ATP6V1C2: variants seen among roughly 807,000 people sequenced by gnomAD.
The protein encoded by ATP6V1C2 is ATPase H+ transporting V1 subunit C2, also known as V-type proton ATPase subunit C 2.
A neutral mutation model predicts 56.8 loss-of-function variants in ATP6V1C2; 45 were observed. The ratio of observed to expected loss-of-function variants is 0.79; its 90% CI spans 0.62 to 1.02. The LOEUF is 1.02. Among genes scored for constraint, ATP6V1C2 ranks in the 50% least tolerant of loss-of-function variants. The pLI is 0.00. For missense variants in ATP6V1C2, 463 were observed against 519.7 expected, an observed-to-expected ratio of 0.89 and a Z score of 1.06; for synonymous variants, 220 against 201.3, an observed-to-expected ratio of 1.09 and a Z score of -0.79.
At position 10,755,680 on chromosome 2, in the gene ATP6V1C2, C is replaced by A. The variant is rs886151311; in HGVS notation, c.283+1614C>A. Among the ~76,000 whole-genome samples the A allele has an allele frequency of 3.9e-5, 6 of 152,336 alleles. 1 individual carries two copies. Among genetic ancestry groups the A allele is most frequent in the Admixed American group, 1.3e-4 (2 of 15,306 alleles). ...CCCTCTCCAGAGCCACCACTCTCCC[C>A]ACCTGGGCAATTCTGCCTCCTCACC... On this transcript the variant is annotated intron_variant, in intron 4 of 13. Transcript: ENST00000272238.
At chr2:10,779,730 A>G (rs1665234583) in intron 12 of ATP6V1C2, among the ~76,000 whole-genome samples, 1 of 151,098 alleles carries the variant, frequency 6.6e-6, no homozygotes, top group African/African-American at 2.4e-5. Context: ...AAACCTGGCA[A>G]CTCTAGGTAA....
intron 3 of ATP6V1C2, among the ~76,000 whole-genome samples, chr2:10,746,396 T>C (rs992391652): frequency 6.6e-6 from 1 of 151,470 alleles, no homozygotes; most frequent in Admixed American, 6.6e-5. Flanking sequence ...TTCTCTTATT[T>C]CCTTTTTTTT....
intron 3 of ATP6V1C2, among the ~76,000 whole-genome samples, chr2:10,742,373 G>T (rs1028450942): frequency 2.0e-5 from 3 of 152,184 alleles, no homozygotes; most frequent in Non-Finnish European, 4.4e-5. Flanking sequence ...CTGGAGGTGG[G>T]AGACCCAACC....
At chr2:10,741,211 G>T (rs1662533441) in intron 3 of ATP6V1C2, among the ~76,000 whole-genome samples, 1 of 152,250 alleles carries the variant, frequency 6.6e-6, no homozygotes, top group African/African-American at 2.4e-5. Context: ...TTTAAAGCAT[G>T]GTGTGTCTGT....
chr2:10,729,673 T>G (rs1232688863), intron 3 of ATP6V1C2, among the ~76,000 whole-genome samples: 1 of 152,144 alleles, frequency 6.6e-6, no homozygotes, highest in Non-Finnish European at 1.5e-5. Context: ...CTGGGCAACA[T>G]AGTGAGACCC....
At chr2:10,778,365 C>T (rs960572543) in intron 11 of ATP6V1C2, 4 of 576,456 alleles carry the variant, frequency 6.9e-6, no homozygotes, top group Non-Finnish European at 1.2e-5. Context: ...CACCGGGTGG[C>T]TGGCCCGCTG....
intron 3 of ATP6V1C2, among the ~76,000 whole-genome samples, chr2:10,740,726 G>A (rs1311118729): frequency 1.3e-5 from 2 of 152,054 alleles, no homozygotes; most frequent in Non-Finnish European, 2.9e-5. Flanking sequence ...CACTCTTGTC[G>A]CCCAGGCTGG....
At chr2:10,764,479 G>T (rs1664108297) in intron 5 of ATP6V1C2, 54 bp downstream of exon 5, 2 of 1,514,450 alleles carry the variant, frequency 1.3e-6, no homozygotes, top group African/African-American at 1.4e-5. Flanking sequence ...AGGCGGGCAA[G>T]AGCCTGGGTA....
intron 3 of ATP6V1C2, among the ~76,000 whole-genome samples, chr2:10,739,210 G>A (rs2148429824): frequency 6.6e-6 from 1 of 152,242 alleles, no homozygotes; most frequent in East Asian, 1.9e-4. Flanking sequence ...TTGAACCCGG[G>A]AGACGGAGGT....
At chr2:10,775,422 C>A (rs564623364) in intron 10 of ATP6V1C2, among the ~76,000 whole-genome samples, 29 of 152,306 alleles carry the variant, frequency 1.9e-4, no homozygotes, top group Admixed American at 1.7e-3. Flanking sequence ...GCCAGAGGAC[C>A]CTGCCAGGCC....
chr2:10,742,709 C>T (rs991659712), intron 3 of ATP6V1C2, among the ~76,000 whole-genome samples: 2 of 152,162 alleles, frequency 1.3e-5, no homozygotes, highest in Admixed American at 1.3e-4. Flanking sequence ...CCATCCTCTA[C>T]CCCAGGGCCA....
chr2:10,726,523 G>T lies in ATP6V1C2; in HGVS notation c.151G>T (p.Val51Phe). 1 of 1,613,994 alleles carries T rather than the reference G, an allele frequency of 6.2e-7. No homozygotes were observed. Among genetic ancestry groups the T allele is most frequent in the East Asian group, 2.2e-5 (1 of 44,888 alleles). The stretch of plus-strand genomic sequence containing the variant: ...CTAGGTGGGGACCTTGGATTCCCTG[G>T]TTGGCCTCTCTGATGAGTTGGGGAA... Reference protein sequence around the residue: ...DFKVGTLDSLVGLSDELGKLD... With the variant: ...DFKVGTLDSLFGLSDELGKLD... The change falls in exon 3 of 14, where the codon GTT becomes TTT. Residue 51 changes from valine (V) to phenylalanine (F), a missense_variant. Coordinates refer to ENST00000272238, the MANE Select transcript of ATP6V1C2 (RefSeq NM_001039362.2).
At chr2:10,746,163 C>T (rs1428752354) in intron 3 of ATP6V1C2, among the ~76,000 whole-genome samples, 2 of 151,896 alleles carry the variant, frequency 1.3e-5, no homozygotes, top group Non-Finnish European at 2.9e-5. Context: ...CCACACCCGG[C>T]TAATTTTTGT....
At chr2:10,755,378 C>T (rs555992639) in intron 4 of ATP6V1C2, among the ~76,000 whole-genome samples, 111 of 152,098 alleles carry the variant, frequency 7.3e-4, no homozygotes, top group African/African-American at 2.5e-3. Context: ...GATGGGGTCT[C>T]GCAATGTCGC....
intron 4 of ATP6V1C2, among the ~76,000 whole-genome samples, chr2:10,755,313 G>C (rs1225521421): frequency 6.6e-6 from 1 of 152,160 alleles, no homozygotes; most frequent in African/African-American, 2.4e-5. Flanking sequence ...TGGGATGACA[G>C]GCGTGAGCCA....
chr2:10,758,025 T>C (rs760698911), intron 4 of ATP6V1C2, among the ~76,000 whole-genome samples: 1 of 152,224 alleles, frequency 6.6e-6, no homozygotes, highest in Non-Finnish European at 1.5e-5. Context: ...CATAAGAATC[T>C]TTAGAGATTG....
rs1661443012 is a variant in ATP6V1C2 at position 10,722,937 on chromosome 2, A to G, written c.88A>G (p.Asn30Asp). ...ERMNTVTSKS[N>D]LSYNTKFAIP... Reference sequence around the variant, plus strand: ...GATGAATACTGTAACCTCCAAGTCCAACCTGTCTTATAATACCAAATTCGC... The same window carrying G: ...GATGAATACTGTAACCTCCAAGTCCGACCTGTCTTATAATACCAAATTCGC... The change falls in exon 2 of 14, where the codon AAC (asparagine) becomes GAC (aspartate). Residue 30 changes from asparagine to aspartate, a missense_variant. Asn to Asp is a conservative substitution (Grantham distance 23). Coordinates refer to ENST00000272238, the MANE Select transcript of ATP6V1C2 (RefSeq NM_001039362.2). 1.2e-6 allele frequency: 2 copies of G among 1,614,038 alleles called. No homozygotes were observed. Among genetic ancestry groups the G allele is most frequent in the Admixed American group, 3.3e-5 (2 of 59,992 alleles).
At chr2:10,738,907 G>A (rs1195636658) in intron 3 of ATP6V1C2, among the ~76,000 whole-genome samples, 1 of 152,122 alleles carries the variant, frequency 6.6e-6, no homozygotes, top group Non-Finnish European at 1.5e-5. Flanking sequence ...TCCAAAATCT[G>A]TCCCGTATCC....
At chr2:10,769,165 A>G (rs1383004866) in intron 6 of ATP6V1C2, among the ~76,000 whole-genome samples, 3 of 152,214 alleles carry the variant, frequency 2.0e-5, no homozygotes, top group African/African-American at 7.2e-5. Context: ...CCAGGATGTC[A>G]GCGCACGGCC....
Sources: gnomAD v4.1 joint callset for allele counts (sites outside exome capture counted in the v4.1 genomes callset) on GRCh38, gnomAD v4.1.1 for gene constraint, MANE v1.5 for transcripts, NCBI Gene and HGNC (gene_info 2026-07-23, HGNC 2026-07-21) for gene names.